CACNA2D1: variants seen among roughly 807,000 people sequenced by gnomAD.
CACNA2D1 encodes voltage-dependent calcium channel subunit alpha-2/delta-1.
CACNA2D1 carries 53 observed loss-of-function variants against 171.5 expected under a neutral mutation model. The ratio of observed to expected loss-of-function variants is 0.31; its 90% confidence interval spans 0.25 to 0.39. The LOEUF (loss-of-function observed/expected upper bound fraction) is 0.39. CACNA2D1 is among the 10% of genes least tolerant of loss of function. CACNA2D1 has a pLI of 1.00. For missense variants in CACNA2D1, 903 were observed against 1,299.8 expected, an observed-to-expected ratio of 0.69 and a Z score of 4.69; for synonymous variants, 442 against 443.1, an observed-to-expected ratio of 1.00 and a Z score of 0.03.
Position 81,967,056 on chromosome 7 carries a change from A to C in CACNA2D1, c.2502+113T>G. 15 of 716,628 alleles carry C rather than the reference A, an allele frequency of 2.1e-5. 1 individual carries two copies. The South Asian group carries it at 2.6e-4, about 13-fold the overall frequency. 44.4% of individuals were successfully genotyped at this position (716,628 alleles called of 1,614,324 possible). A position where few individuals can be genotyped will look rare whatever the true frequency, so the allele number is the denominator to read the frequency against. ...ATATATTATTTCACATTTCCATAGA[A>C]TTTTTTAGCCTTTGATTAAAAAATT... On this transcript the variant is annotated intron_variant, in intron 31 of 38. Transcript: ENST00000356860.
intron 3 of CACNA2D1, among the ~76,000 whole-genome samples, chr7:82,226,721 T>C (rs1242858090): frequency 1.3e-5 from 2 of 152,202 alleles, no homozygotes; most frequent in African/African-American, 4.8e-5. Context: ...TCAGAAGAGA[T>C]TGATCCTATA....
At chr7:82,110,215 A>G (rs1379529405) in intron 6 of CACNA2D1, among the ~76,000 whole-genome samples, 1 of 152,130 alleles carries the variant, frequency 6.6e-6, no homozygotes, top group Non-Finnish European at 1.5e-5. Flanking sequence ...ATGTTTGTAT[A>G]CTCCCAAAAT....
At chr7:82,346,878 T>C (rs1228080383) in intron 2 of CACNA2D1, among the ~76,000 whole-genome samples, 2 of 152,216 alleles carry the variant, frequency 1.3e-5, no homozygotes, top group Non-Finnish European at 2.9e-5. Context: ...GCTATTAACA[T>C]ATGTTCTAAA....
At chr7:82,207,613 G>A (rs1800141271) in intron 3 of CACNA2D1, among the ~76,000 whole-genome samples, 1 of 152,108 alleles carries the variant, frequency 6.6e-6, no homozygotes, top group African/African-American at 2.4e-5. Context: ...TATCAGGACA[G>A]AGGCAATTTT....
At chr7:82,399,439 CAA>C (rs965718112) in intron 1 of CACNA2D1, among the ~76,000 whole-genome samples, 1 of 130,070 alleles carries the variant, frequency 7.7e-6, no homozygotes, top group Admixed American at 7.9e-5. Context: ...GACTCCATCT[CAA>C]AAAAAAAAAC....
intron 10 of CACNA2D1, among the ~76,000 whole-genome samples, chr7:82,060,160 TATATA>T (rs1297564716): frequency 5.8e-5 from 2 of 34,660 alleles, no homozygotes; most frequent in African/African-American, 9.8e-5. Context: ...GTATTATATA[TATATA>T]ATATATATAT....
intron 3 of CACNA2D1, among the ~76,000 whole-genome samples, chr7:82,274,275 A>G (rs1476584947): frequency 6.6e-6 from 1 of 152,180 alleles, no homozygotes; most frequent in Non-Finnish European, 1.5e-5. Flanking sequence ...TTGGCAATAC[A>G]TTAAAAACTA....
intron 3 of CACNA2D1, among the ~76,000 whole-genome samples, chr7:82,244,079 G>T (rs1356564722): frequency 6.6e-6 from 1 of 152,032 alleles, no homozygotes; most frequent in Non-Finnish European, 1.5e-5. Context: ...TCATTCATTA[G>T]TTAATGTGCA....
chr7:82,336,032 A>T (rs1585548664), intron 2 of CACNA2D1, among the ~76,000 whole-genome samples: 1 of 152,280 alleles, frequency 6.6e-6, no homozygotes, highest in South Asian at 2.1e-4. Flanking sequence ...TTGGAGGGGA[A>T]GCAGTCACAG....
rs1792245314 is a variant in CACNA2D1 at position 81,948,757 on chromosome 7, A to G, written c.*1635T>C. 1 of 151,952 alleles carries G rather than the reference A, an allele frequency of 6.6e-6. No homozygotes were observed. The highest frequency in any genetic ancestry group is 6.6e-5 in the Admixed American group (1 of 15,236). The allele number at this position is 151,952 out of a possible 1,614,324, so 9.4% of individuals were successfully genotyped here. Reference sequence around the variant, plus strand: ...TCATAAAAAATATCTACATACGTTCAGCCTTCAGTAAAATTATTAACTATT... The same window carrying G: ...TCATAAAAAATATCTACATACGTTCGGCCTTCAGTAAAATTATTAACTATT... On this transcript the variant is annotated 3_prime_UTR_variant, in exon 39 of 39. Transcript: ENST00000356860.
In CACNA2D1 at chr7:82,314,189, CTTGAT is replaced by C. The variant is rs576639170; in HGVS notation, c.294+20941_294+20945del. Among the ~76,000 whole-genome samples, 13 of 152,128 alleles carry C rather than the reference CTTGAT, an allele frequency of 8.5e-5. No individual in the cohort carries two copies. In the South Asian group the frequency reaches 1.9e-3, roughly 22 times the overall value. On this transcript the variant is annotated intron_variant, in intron 3 of 38. Transcript: ENST00000356860. ...GTAGATAAGTAAATACTTTGGTTTGCTTGATTTAATTTTTTTCTGTATTTGCTATA... is the reference window on the plus strand; with the variant it reads ...GTAGATAAGTAAATACTTTGGTTTGCTTAATTTTTTTCTGTATTTGCTATA...
chr7:81,988,161 G>C (rs557844741), intron 21 of CACNA2D1, among the ~76,000 whole-genome samples: 1 of 152,234 alleles, frequency 6.6e-6, no homozygotes, highest in South Asian at 2.1e-4. Context: ...CAAAGACACA[G>C]AATGCATTCT....
chr7:82,331,790 G>A (rs1436885068), intron 3 of CACNA2D1, among the ~76,000 whole-genome samples: 3 of 152,120 alleles, frequency 2.0e-5, no homozygotes, highest in Non-Finnish European at 4.4e-5. Context: ...AAGAGACTAT[G>A]ATGTCCAAAT....
chr7:82,016,840 C>G (rs1201503437), intron 12 of CACNA2D1, among the ~76,000 whole-genome samples: 1 of 152,054 alleles, frequency 6.6e-6, no homozygotes, highest in Non-Finnish European at 1.5e-5. Context: ...TTCTTGGCTA[C>G]TTAAATGTAA....
intron 3 of CACNA2D1, among the ~76,000 whole-genome samples, chr7:82,219,274 T>C (rs1251607621): frequency 5.9e-5 from 9 of 152,172 alleles, no homozygotes; most frequent in Non-Finnish European, 1.2e-4. Flanking sequence ...GTTTGTATTA[T>C]TGACAATCAC....
At chr7:82,212,717 T>C (rs6945352) in intron 3 of CACNA2D1, among the ~76,000 whole-genome samples, 7,601 of 152,312 alleles carry the variant, frequency 0.05, 210 homozygotes, top group Non-Finnish European at 0.061. Flanking sequence ...CAGTTTATGT[T>C]ACAATACATT....
chr7:82,373,846 C>T (rs944362187), intron 1 of CACNA2D1, among the ~76,000 whole-genome samples: 1 of 152,198 alleles, frequency 6.6e-6, no homozygotes, highest in Non-Finnish European at 1.5e-5. Context: ...TGTGATCATA[C>T]ATTTTAAAAC....
At position 81,964,259 on chromosome 7, in the gene CACNA2D1, C is replaced by A; in HGVS notation, c.2675G>T (p.Cys892Phe). 6.2e-7 allele frequency: 1 copy of A among 1,612,844 alleles called. No homozygotes were observed. Among genetic ancestry groups the A allele is most frequent in the Non-Finnish European group, 8.5e-7 (1 of 1,179,222 alleles). ...FNKSYDYQSV[C>F]EPGAAPKQGA... Reference sequence around the variant, plus strand: ...TTGTTTTGGTGCAGCACCGGGCTCACATACTGACTGATAATCATAAGATTT... The same window carrying A: ...TTGTTTTGGTGCAGCACCGGGCTCAAATACTGACTGATAATCATAAGATTT... The change falls in exon 33 of 39, where the codon TGT becomes TTT. Residue 892 changes from cysteine to phenylalanine, a missense_variant. Cys to Phe is a radical substitution (Grantham distance 205). Transcript: ENST00000356860.
rs116268323 is a variant in CACNA2D1, at chr7:82,061,016, A to T, written c.780-489T>A. ...AAATATCCTCTAGAATTTATTCTTCATTTTTCTTTCCTCTACATATTCTAC... is the reference window on the plus strand; with the variant it reads ...AAATATCCTCTAGAATTTATTCTTCTTTTTTCTTTCCTCTACATATTCTAC... On this transcript the variant is annotated intron_variant, in intron 9 of 38. Coordinates refer to ENST00000356860, the MANE Select transcript of CACNA2D1 (RefSeq NM_000722.4). Among the ~76,000 whole-genome samples the T allele has an allele frequency of 7.8e-3, 1,179 of 152,124 alleles. 15 individuals carry two copies. The highest frequency in any genetic ancestry group is 0.027 in the African/African-American group (1,117 of 41,528).
Sources: gnomAD v4.1 joint callset for allele counts (sites outside exome capture counted in the v4.1 genomes callset) on GRCh38, gnomAD v4.1.1 for gene constraint, MANE v1.5 for transcripts, NCBI Gene and HGNC (gene_info 2026-07-23, HGNC 2026-07-21) for gene names.